Variants in ARID4B observed in about 807,000 individuals in gnomAD.
The protein encoded by ARID4B is AT-rich interaction domain 4B.
A neutral mutation model predicts 147.5 loss-of-function variants in ARID4B; 26 were observed. The observed-to-expected ratio is 0.18, with a 90% CI of 0.13 to 0.24. ARID4B has a LOEUF of 0.24. Ranked by LOEUF, ARID4B falls within the 10% of genes least tolerant of loss-of-function variation. The probability of loss-of-function intolerance (pLI) is 1.00; values close to 1 mark genes in which losing one functional copy is unlikely to be tolerated. For synonymous variants in ARID4B, 512 were observed against 507.9 expected (o/e 1.01, Z -0.11); for missense variants, 1,179 against 1,511.5 (o/e 0.78, Z 3.65).
At chr1:235,252,644 G>A in intron 6 of ARID4B, 86 bp downstream of exon 6, 1 of 1,059,760 alleles carries the variant, frequency 9.4e-7, no homozygotes, top group South Asian at 1.5e-5. Flanking sequence ...TGATTAGGAA[G>A]TAGGTTTACT....
chr1:235,251,387 T>C (rs1237141604), intron 6 of ARID4B, among the ~76,000 whole-genome samples: 1 of 152,002 alleles, frequency 6.6e-6, no homozygotes, highest in Non-Finnish European at 1.5e-5. Flanking sequence ...GTATGGACCA[T>C]AGTCTGAAAA....
chr1:235,322,663 TTTA>T (rs1167287842), intron 2 of ARID4B, among the ~76,000 whole-genome samples: 1 of 152,228 alleles, frequency 6.6e-6, no homozygotes, highest in Non-Finnish European at 1.5e-5. Context: ...GGAGTTTTGC[TTTA>T]TTTATCTGCA....
intron 16 of ARID4B, 90 bp downstream of exon 16, chr1:235,219,703 A>T: frequency 2.9e-6 from 3 of 1,048,328 alleles, no homozygotes; most frequent in Non-Finnish European, 4.2e-6. Context: ...TTTGTCAATT[A>T]ATTTAGATTC....
At chr1:235,243,839 G>A (rs937251455) in intron 7 of ARID4B, among the ~76,000 whole-genome samples, 50 of 152,090 alleles carry the variant, frequency 3.3e-4, no homozygotes, top group African/African-American at 1.2e-3. Context: ...CAGAACCTAT[G>A]TACGCTTAAC....
intron 3 of ARID4B, among the ~76,000 whole-genome samples, chr1:235,259,674 T>A (rs57930739): frequency 2.0e-5 from 3 of 152,118 alleles, no homozygotes; most frequent in Admixed American, 2.0e-4. Context: ...CCCTACCAGT[T>A]TGTAGTTAAT....
At chr1:235,209,745 G>A (rs923975817) in intron 17 of ARID4B, among the ~76,000 whole-genome samples, 1 of 151,806 alleles carries the variant, frequency 6.6e-6, no homozygotes, top group African/African-American at 2.4e-5. Flanking sequence ...TGTATTTTTA[G>A]TAGAGATGAG....
intron 2 of ARID4B, among the ~76,000 whole-genome samples, chr1:235,269,852 A>ATT (rs1670859013): frequency 6.6e-6 from 1 of 152,118 alleles, no homozygotes; most frequent in African/African-American, 2.4e-5. Context: ...AGTAATATAT[A>ATT]TTTATTGGGC....
intron 13 of ARID4B, among the ~76,000 whole-genome samples, chr1:235,222,170 C>T (rs1384179259): frequency 6.6e-6 from 1 of 152,014 alleles, no homozygotes; most frequent in Admixed American, 6.5e-5. Context: ...CCTTAGCCTC[C>T]CAAAGTGCTG....
chr1:235,210,505 C>A (rs895022421), intron 17 of ARID4B, among the ~76,000 whole-genome samples: 15 of 151,848 alleles, frequency 9.9e-5, no homozygotes, highest in African/African-American at 3.4e-4. Flanking sequence ...ACTGGAGGAG[C>A]CGCAAAAATA....
intron 16 of ARID4B, among the ~76,000 whole-genome samples, chr1:235,217,575 GAT>G (rs1667183781): frequency 1.3e-5 from 2 of 152,006 alleles, no homozygotes; most frequent in Admixed American, 1.3e-4. Flanking sequence ...TTCCCTACTT[GAT>G]ATTACACTCT....
chr1:235,201,589 G>A (rs1023792927), intron 17 of ARID4B, among the ~76,000 whole-genome samples: 2 of 152,198 alleles, frequency 1.3e-5, no homozygotes, highest in African/African-American at 4.8e-5. Flanking sequence ...CTCCCGAAGT[G>A]CTGGGATTAT....
chr1:235,284,687 C>G (rs1299067557), intron 2 of ARID4B, among the ~76,000 whole-genome samples: 4 of 152,098 alleles, frequency 2.6e-5, no homozygotes, highest in African/African-American at 7.2e-5. Context: ...ATTCCCAACT[C>G]ATTCTACAAA....
At chr1:235,310,183 AT>A (rs1271849070) in intron 2 of ARID4B, among the ~76,000 whole-genome samples, 159 of 152,276 alleles carry the variant, frequency 1.0e-3, no homozygotes, top group African/African-American at 3.7e-3. Context: ...ATAAAAAAAA[AT>A]AAAAAAAAAG....
chr1:235,232,884 C>T (rs1280944350), intron 9 of ARID4B, among the ~76,000 whole-genome samples: 7 of 152,040 alleles, frequency 4.6e-5, no homozygotes, highest in African/African-American at 1.7e-4. Flanking sequence ...GTCACCCAGG[C>T]TGGAGTGCAA....
At chr1:235,308,737 G>A (rs1446639806) in intron 2 of ARID4B, among the ~76,000 whole-genome samples, 2 of 152,272 alleles carry the variant, frequency 1.3e-5, no homozygotes, top group African/African-American at 4.8e-5. Flanking sequence ...TCAGCCTCCC[G>A]AGGTGCCGGG....
chr1:235,312,843 C>T (rs1292490411), intron 2 of ARID4B, among the ~76,000 whole-genome samples: 1 of 152,044 alleles, frequency 6.6e-6, no homozygotes, highest in Non-Finnish European at 1.5e-5. Flanking sequence ...CATGGTGGCG[C>T]ATGCCTGTAG....
chr1:235,221,885 TA>T (rs1366734564), intron 13 of ARID4B, among the ~76,000 whole-genome samples: 14 of 110,218 alleles, frequency 1.3e-4, no homozygotes, highest in Admixed American at 4.5e-4. Context: ...GTCATTTGAC[TA>T]TTTTTTTTTT....
Position 235,260,651 on chromosome 1 carries a change from G to C in ARID4B, c.108C>G (p.Val36=), listed in dbSNP as rs773856481. 2 of 1,602,212 alleles carry C rather than the reference G, an allele frequency of 1.2e-6. No homozygotes were observed. Among genetic ancestry groups the C allele is most frequent in the Non-Finnish European group, 1.7e-6 (2 of 1,173,836 alleles). The change falls in exon 3 of 24, where the codon GTC becomes GTG. Residue 36 remains valine (V), a synonymous_variant. Transcript: ENST00000264183. ...EAKIKTAKRL[V]KVKVTFRHDS... ...TCTATAAATACTGTACCTTGACTTT[G>C]ACAAGTCTTTTTGCTGTCTTGATCT... is the stretch of plus-strand genomic sequence containing the variant.
At chr1:235,312,677 A>G (rs1460997017) in intron 2 of ARID4B, among the ~76,000 whole-genome samples, 1 of 152,172 alleles carries the variant, frequency 6.6e-6, no homozygotes, top group Non-Finnish European at 1.5e-5. Context: ...TTCAGATTAA[A>G]AAAAACAGAA....
Sources: gnomAD v4.1 joint callset for allele counts (sites outside exome capture counted in the v4.1 genomes callset) on GRCh38, gnomAD v4.1.1 for gene constraint, MANE v1.5 for transcripts, NCBI Gene and HGNC (gene_info 2026-07-23, HGNC 2026-07-21) for gene names.